CMIP: variants seen among roughly 807,000 people sequenced by gnomAD.
CMIP encodes C-Maf-inducing protein.
Under a neutral mutation model 97.3 loss-of-function variants are expected in CMIP, and 13 were observed. The observed-to-expected ratio is 0.13, with a 90% confidence interval of 0.09 to 0.21. The LOEUF (loss-of-function observed/expected upper bound fraction) is 0.21. Among genes scored for constraint, CMIP ranks in the 10% least tolerant of loss-of-function variants. The probability of loss-of-function intolerance (pLI) is 1.00; values close to 1 mark genes in which losing one functional copy is unlikely to be tolerated. For synonymous variants in CMIP, 538 were observed against 436.3 expected, an observed-to-expected ratio of 1.23 and a Z score of -2.91; for missense variants, 847 against 1,024.9, an observed-to-expected ratio of 0.83 and a Z score of 2.37.
At chr16:81,574,638 T>A (rs1452398645) in intron 1 of CMIP, among the ~76,000 whole-genome samples, 2 of 152,208 alleles carry the variant, frequency 1.3e-5, no homozygotes, top group African/African-American at 4.8e-5. Flanking sequence ...TGGCCTGAAA[T>A]ACAGTTCCTC....
intron 1 of CMIP, among the ~76,000 whole-genome samples, chr16:81,515,672 C>G (rs1216419385): frequency 6.6e-6 from 1 of 152,186 alleles, no homozygotes; most frequent in African/African-American, 2.4e-5. Flanking sequence ...AGGCGCTATT[C>G]TAAGGACCGG....
chr16:81,477,099 G>C (rs1907972109), intron 1 of CMIP, among the ~76,000 whole-genome samples: 1 of 152,080 alleles, frequency 6.6e-6, no homozygotes, highest in Non-Finnish European at 1.5e-5. Flanking sequence ...AAAAATGGCA[G>C]CTGGTTGTGT....
At chr16:81,445,613 T>G in intron 1 of CMIP, 72 bp downstream of exon 1, 1 of 1,465,820 alleles carries the variant, frequency 6.8e-7, no homozygotes, top group Non-Finnish European at 9.1e-7. Context: ...GGCTGCCCCC[T>G]GGCGCTGCAC....
intron 1 of CMIP, among the ~76,000 whole-genome samples, chr16:81,482,186 C>T (rs1306439271): frequency 1.3e-5 from 2 of 152,072 alleles, no homozygotes; most frequent in Non-Finnish European, 2.9e-5. Flanking sequence ...TCCCTGCCGC[C>T]TCTTATAAGG....
In CMIP at chr16:81,699,687, G is replaced by A. The variant is rs183876152; in HGVS notation, c.1641G>A (p.Val547=). 2.1e-3 allele frequency: 3,371 copies of A among 1,608,386 alleles called. 10 individuals are homozygous for A. Among genetic ancestry groups the A allele is most frequent in the Middle Eastern group, 3.5e-3 (21 of 6,052 alleles). ...DDDGELFASM[V]HILMGSCYKT... ...ACCTGGGCCTTCTTGCCTCACAGGT[G>A]CACATCCTCATGGGCTCCTGTTACA... is the stretch of plus-strand genomic sequence containing the variant. Residue 547 remains valine, a splice_region_variant and synonymous_variant, in exon 15 of 21, where the codon GTG becomes GTA. Coordinates refer to ENST00000537098, the MANE Select transcript of CMIP (RefSeq NM_198390.3).
rs1905764715 is a variant in CMIP at position 81,689,143 on chromosome 16, C to T, written c.1389-2632C>T. 4.6e-5 allele frequency among the ~76,000 whole-genome samples: 7 copies of T among 152,148 alleles called. No homozygotes were observed. The South Asian group carries it at 8.3e-4, about 18-fold the overall frequency. ...ACATGTGCATGTGTCTTTATAGCAGCGTGATTTATAATCCTTTGGGTATAT... is the reference window on the plus strand; with the variant it reads ...ACATGTGCATGTGTCTTTATAGCAGTGTGATTTATAATCCTTTGGGTATAT... On this transcript the variant is annotated intron_variant, in intron 10 of 20. Transcript: ENST00000537098.
rs2150722812 is a variant in CMIP, at chr16:81,445,176, C to T, written c.-66C>T. 1 of 1,097,710 alleles carries T rather than the reference C, an allele frequency of 9.1e-7. No individual in the cohort carries two copies. The highest frequency in any genetic ancestry group is 1.2e-6 in the Non-Finnish European group (1 of 836,320). 68.0% of individuals were successfully genotyped at this position (1,097,710 alleles called of 1,614,324 possible). A position where few individuals can be genotyped will look rare whatever the true frequency, so the allele number is the denominator to read the frequency against. On this transcript the variant is annotated 5_prime_UTR_variant, in exon 1 of 21. Coordinates refer to ENST00000537098, the MANE Select transcript of CMIP (RefSeq NM_198390.3). ...GGTGCGGGCCGCCGGATCCGGGGGCCCCGCCGCCCCAGCAGCCCAGGACAG... is the reference window on the plus strand; with the variant it reads ...GGTGCGGGCCGCCGGATCCGGGGGCTCCGCCGCCCCAGCAGCCCAGGACAG...
At chr16:81,615,757 G>A (rs959173015) in intron 2 of CMIP, among the ~76,000 whole-genome samples, 1 of 151,950 alleles carries the variant, frequency 6.6e-6, no homozygotes, top group East Asian at 1.9e-4. Context: ...TGTGGTGTAT[G>A]TGTCTTTGTG....
intron 1 of CMIP, among the ~76,000 whole-genome samples, chr16:81,599,281 G>A (rs1256515386): frequency 1.3e-5 from 2 of 152,162 alleles, no homozygotes; most frequent in Non-Finnish European, 2.9e-5. Flanking sequence ...GAGGGAGAGT[G>A]TGAACGGCAT....
At chr16:81,526,591 T>G (rs150878798) in intron 1 of CMIP, among the ~76,000 whole-genome samples, 3 of 152,362 alleles carry the variant, frequency 2.0e-5, no homozygotes, top group African/African-American at 7.2e-5. Context: ...TTGATAGCTG[T>G]TTTTCATTAT....
At chr16:81,625,094 C>T (rs757729427) in intron 3 of CMIP, among the ~76,000 whole-genome samples, 6 of 152,230 alleles carry the variant, frequency 3.9e-5, no homozygotes, top group African/African-American at 1.4e-4. Flanking sequence ...AGAAGGCAAG[C>T]GGGATTAGAC....
chr16:81,461,074 GT>G (rs1398311598), intron 1 of CMIP, among the ~76,000 whole-genome samples: 1 of 152,224 alleles, frequency 6.6e-6, no homozygotes, highest in Non-Finnish European at 1.5e-5. Context: ...CTGGTGAGGT[GT>G]TTTACAACTA....
At chr16:81,672,925 C>G (rs867319044) in intron 9 of CMIP, among the ~76,000 whole-genome samples, 4 of 152,198 alleles carry the variant, frequency 2.6e-5, no homozygotes, top group Admixed American at 6.5e-5. Context: ...TGCTGGAGAG[C>G]GAGCAAGATC....
intron 4 of CMIP, among the ~76,000 whole-genome samples, 178 bp from the exon 5 acceptor site, chr16:81,657,597 C>A (rs148803851): frequency 1.9e-4 from 29 of 152,320 alleles, no homozygotes; most frequent in Non-Finnish European, 3.8e-4. Context: ...ACCTTCTCCC[C>A]CTTCCCGACC....
chr16:81,679,630 G>A (rs1381507396), intron 10 of CMIP, among the ~76,000 whole-genome samples: 2 of 152,154 alleles, frequency 1.3e-5, no homozygotes, highest in East Asian at 1.9e-4. Flanking sequence ...GGGTGTGGGT[G>A]TAGGAGACCC....
At position 81,655,791 on chromosome 16, in the gene CMIP, C is replaced by A. The variant is rs781371116; in HGVS notation, c.640-1984C>A. ...GACAGACGGGTTCATATCCTCACTG[C>A]AGCCCCTATTACCCTGCGCCTGCTA... is the stretch of plus-strand genomic sequence containing the variant. On this transcript the variant is annotated intron_variant, in intron 4 of 20. Transcript: ENST00000537098. The surrounding 1 kb of genome is among the most constrained non-coding windows in gnomAD (Gnocchi z 4.9). Among the ~76,000 whole-genome samples the A allele has an allele frequency of 2.0e-5, 3 of 152,202 alleles. No homozygotes were observed. Among genetic ancestry groups the A allele is most frequent in the Non-Finnish European group, 4.4e-5 (3 of 68,034 alleles).
chr16:81,568,076 T>C (rs1288873240), intron 1 of CMIP, among the ~76,000 whole-genome samples: 1 of 132,142 alleles, frequency 7.6e-6, no homozygotes, highest in Admixed American at 8.5e-5. Context: ...TGGAAGAAAC[T>C]GTACAGAAAA....
rs11331169 is a variant in CMIP at position 81,616,153 on chromosome 16, ATTTTT to A, written c.427-4708_427-4704del. Among the ~76,000 whole-genome samples the A allele has an allele frequency of 7.5e-6, 1 of 132,714 alleles. No homozygotes were observed. The highest frequency in any genetic ancestry group is 1.6e-5 in the Non-Finnish European group (1 of 61,400). 87.1% of individuals were successfully genotyped at this position (132,714 alleles called of 152,430 possible). On this transcript the variant is annotated intron_variant, in intron 2 of 20. Transcript: ENST00000537098. This position sits in a 1 kb window ranked among gnomAD's most constrained non-coding sequence, Gnocchi z 4.7. ...ACATGTCATTAATTCATTCAGCTGT[ATTTTT>A]TTTTTTTTTTTTTTAACACCAGGCT... is the stretch of plus-strand genomic sequence containing the variant.
intron 10 of CMIP, among the ~76,000 whole-genome samples, chr16:81,690,907 C>T (rs748718973): frequency 5.9e-5 from 9 of 152,016 alleles, no homozygotes; most frequent in Non-Finnish European, 1.2e-4. Flanking sequence ...GCCTGGGCAA[C>T]AGAGTAGGAC....
Sources: allele counts gnomAD v4.1 joint callset (sites outside exome capture counted in the v4.1 genomes callset), GRCh38; gene constraint gnomAD v4.1.1; non-coding constraint Gnocchi (gnomAD v3.1); transcripts MANE v1.5; gene names NCBI Gene and HGNC (gene_info 2026-07-23, HGNC 2026-07-21).